COL4A4: variants seen among roughly 807,000 people sequenced by gnomAD.
COL4A4 encodes collagen alpha-4(IV) chain.
Under a neutral mutation model 192.9 loss-of-function variants are expected in COL4A4, and 105 were observed. The observed-to-expected ratio is 0.54, with a 90% confidence interval of 0.46 to 0.64. COL4A4 has a LOEUF of 0.64. Among genes scored for constraint, COL4A4 ranks in the 30% least tolerant of loss-of-function variants. The pLI is 0.00. For missense variants in COL4A4, 1,967 were observed against 2,169.3 expected (o/e 0.91, Z 1.85); for synonymous variants, 762 against 769.9 (o/e 0.99, Z 0.17).
rs754693636 is a variant in COL4A4, at chr2:227,008,024, G to A, written c.4803C>T (p.Phe1601=). ...TWRSLWIGYS[F]LMHTGAGDQG... is the part of the protein sequence containing the mutation. ...TCAAGGGCACGGGACTCACCATCAG[G>A]AATGAATACCCGATCCAGAGGCTCC... The change falls in exon 47 of 48, where the codon TTC becomes TTT. Residue 1601 remains phenylalanine (F), a synonymous_variant. Coordinates refer to ENST00000396625, the MANE Select transcript of COL4A4 (RefSeq NM_000092.5). The A allele has an allele frequency of 7.4e-6, 12 of 1,610,922 alleles. No individual in the cohort carries two copies. The East Asian group carries it at 2.0e-4, about 27-fold the overall frequency.
intron 1 of COL4A4, among the ~76,000 whole-genome samples, chr2:227,149,859 A>G (rs563247848): frequency 6.6e-6 from 1 of 151,752 alleles, no homozygotes; most frequent in South Asian, 2.1e-4. Flanking sequence ...GGATGGATGG[A>G]TGGATGAATG....
At chr2:227,146,404 C>T (rs1452126977) in intron 2 of COL4A4, among the ~76,000 whole-genome samples, 4 of 152,106 alleles carry the variant, frequency 2.6e-5, no homozygotes, top group Non-Finnish European at 5.9e-5. Flanking sequence ...TTCTTTCACT[C>T]CCCGTAATTT....
the COL4A4 span, among the ~76,000 whole-genome samples, chr2:226,980,755 C>T: frequency 6.6e-6 from 1 of 152,152 alleles, no homozygotes; most frequent in Admixed American, 6.5e-5. Context: ...TCTAAATCTT[C>T]AGTTACCCAA....
intron 25 of COL4A4, among the ~76,000 whole-genome samples, chr2:227,075,935 T>C (rs200505640): frequency 6.6e-6 from 1 of 152,012 alleles, no homozygotes; most frequent in Admixed American, 6.6e-5. Flanking sequence ...ACAAGGAATA[T>C]GAAGGACCTC....
intron 35 of COL4A4, among the ~76,000 whole-genome samples, chr2:227,043,949 C>T (rs4675140): frequency 0.45 from 67,824 of 152,108 alleles, 15,540 homozygotes; most frequent in South Asian, 0.63. Context: ...CTCCACACCA[C>T]GTTCCATCCC....
At chr2:227,117,883 A>G (rs1182822407) in intron 7 of COL4A4, among the ~76,000 whole-genome samples, 2 of 152,178 alleles carry the variant, frequency 1.3e-5, no homozygotes, top group Non-Finnish European at 2.9e-5. Flanking sequence ...AATCTTTTCT[A>G]ATATATTTTT....
At chr2:227,152,346 G>A (rs1047098625) in intron 1 of COL4A4, among the ~76,000 whole-genome samples, 9 of 152,208 alleles carry the variant, frequency 5.9e-5, no homozygotes, top group Non-Finnish European at 1.3e-4. Context: ...TTGAGAATCT[G>A]GAAATGGAAT....
chr2:227,133,567 A>T (rs570232320), intron 4 of COL4A4, among the ~76,000 whole-genome samples: 2 of 152,092 alleles, frequency 1.3e-5, no homozygotes, highest in South Asian at 4.2e-4. Flanking sequence ...TCCTTCCTTT[A>T]CTCTCTAGGC....
intron 33 of COL4A4, among the ~76,000 whole-genome samples, chr2:227,050,748 G>A (rs2150178911): frequency 6.6e-6 from 1 of 152,336 alleles, no homozygotes; most frequent in Admixed American, 6.5e-5. Flanking sequence ...CTGGGAGATA[G>A]CGATTATATG....
intron 33 of COL4A4, among the ~76,000 whole-genome samples, 154 bp from the exon 34 acceptor site, chr2:227,050,285 T>G (rs991990375): frequency 9.8e-5 from 15 of 152,318 alleles, no homozygotes; most frequent in African/African-American, 3.6e-4. Context: ...TCCCACTACA[T>G]GTATCTAGTT....
At chr2:227,072,592 TACAC>T (rs146485966) in intron 25 of COL4A4, among the ~76,000 whole-genome samples, 4 of 150,160 alleles carry the variant, frequency 2.7e-5, no homozygotes, top group African/African-American at 9.7e-5. Context: ...CAGGAAAAGA[TACAC>T]ACACACACAC....
chr2:227,037,673 C>A (rs1158495590), intron 37 of COL4A4, among the ~76,000 whole-genome samples: 1 of 152,188 alleles, frequency 6.6e-6, no homozygotes, highest in Non-Finnish European at 1.5e-5. Flanking sequence ...CTGTCTTCCA[C>A]AACAGTTGAA....
downstream of COL4A4, among the ~76,000 whole-genome samples, chr2:227,000,810 G>A (rs1199704397): frequency 1.3e-5 from 2 of 151,964 alleles, no homozygotes; most frequent in African/African-American, 4.8e-5. Flanking sequence ...GGAATCATGG[G>A]GGAACGTCTT....
At chr2:227,108,966 C>A in intron 10 of COL4A4, 98 bp from the exon 11 acceptor site, 1 of 1,227,336 alleles carries the variant, frequency 8.1e-7, no homozygotes, top group Non-Finnish European at 1.2e-6. Context: ...ATTTAGGAAA[C>A]CCTTAATTTT....
In COL4A4 at chr2:227,066,675, T is replaced by C. The variant is rs1231768412; in HGVS notation, c.1988-4077A>G. Among the ~76,000 whole-genome samples the C allele has an allele frequency of 4.0e-5, 6 of 148,276 alleles. No homozygotes were observed. The East Asian group carries it at 9.8e-4, about 24-fold the overall frequency. ...ACAGACAAGCAAATGCTGAGAGATT[T>C]TGTCACCACCAGGCCTGCCCTAAAA... On this transcript the variant is annotated intron_variant, in intron 25 of 47. Coordinates refer to ENST00000396625, the MANE Select transcript of COL4A4 (RefSeq NM_000092.5).
At chr2:226,996,455 C>T in the COL4A4 span, 1 of 152,234 alleles carries the variant, frequency 6.6e-6, no homozygotes, top group Non-Finnish European at 1.5e-5. Context: ...ACGTTACAAT[C>T]CACAGATTGT....
At chr2:227,077,813 A>T in intron 25 of COL4A4, 81 bp downstream of exon 25, 1 of 1,275,026 alleles carries the variant, frequency 7.8e-7, no homozygotes, top group Non-Finnish European at 1.1e-6. Flanking sequence ...AGAATTCACC[A>T]CTATATAATT....
At chr2:227,024,513 A>G (rs944209570) in intron 43 of COL4A4, among the ~76,000 whole-genome samples, 4 of 152,372 alleles carry the variant, frequency 2.6e-5, no homozygotes, top group Non-Finnish European at 5.9e-5. Context: ...TAAAAATAAA[A>G]GATATCATCT....
chr2:226,970,654 A>G, the COL4A4 span, among the ~76,000 whole-genome samples: 1 of 152,254 alleles, frequency 6.6e-6, no homozygotes, highest in South Asian at 2.1e-4. Context: ...AGATGTAAGG[A>G]GTTAACAATT....
Sources: allele counts gnomAD v4.1 joint callset (sites outside exome capture counted in the v4.1 genomes callset), GRCh38; gene constraint gnomAD v4.1.1; transcripts MANE v1.5; gene names NCBI Gene and HGNC (gene_info 2026-07-23, HGNC 2026-07-21).